NLRP5: variants seen among roughly 807,000 people sequenced by gnomAD.
NLRP5 encodes the protein NLR family pyrin domain containing 5.
Under a neutral mutation model 113.1 loss-of-function variants are expected in NLRP5, and 93 were observed. The ratio of observed to expected loss-of-function variants is 0.82; its 90% CI spans 0.70 to 0.98. The LOEUF is 0.98. Among genes scored for constraint, NLRP5 ranks in the 50% least tolerant of loss-of-function variants. The pLI, the probability that NLRP5 is intolerant of heterozygous loss-of-function variation, is 0.00. For synonymous variants in NLRP5, 751 were observed against 600.7 expected, an observed-to-expected ratio of 1.25 and a Z score of -3.66; for missense variants, 1,808 against 1,514.3, an observed-to-expected ratio of 1.19 and a Z score of -3.22.
At chr19:55,995,117 C>T (rs943542177), upstream of NLRP5, among the ~76,000 whole-genome samples, 2 of 152,036 alleles carry the variant, frequency 1.3e-5, no homozygotes, top group Non-Finnish European at 2.9e-5. Context: ...GGACAGAAAA[C>T]CAAACACCAC....
upstream of NLRP5, among the ~76,000 whole-genome samples, chr19:55,998,688 A>ATGTGTGTGTGTGTG (rs1210718419): frequency 1.1e-3 from 53 of 50,292 alleles, 1 homozygote; most frequent in Middle Eastern, 9.3e-3. Context: ...ATATATATAT[A>ATGTGTGTGTGTGTG]TATATATATA....
At chr19:56,023,570 T>C (rs1982701209) in intron 6 of NLRP5, among the ~76,000 whole-genome samples, 1 of 152,092 alleles carries the variant, frequency 6.6e-6, no homozygotes, top group Non-Finnish European at 1.5e-5. Context: ...GACATCGTGT[T>C]AGATATTATA....
chr19:56,007,667 G>C lies in NLRP5; in HGVS notation c.443-1121G>C, dbSNP rs190597125. Among the ~76,000 whole-genome samples the C allele has an allele frequency of 3.3e-4, 50 of 151,252 alleles. 4 individuals carry two copies. Among genetic ancestry groups the C allele is most frequent in the African/African-American group, 1.2e-3 (50 of 40,634 alleles). ...AGAAGCAATTACATAGTTTGAAAGG[G>C]GTGGTAATAGAAATCATCAAACTTT... On this transcript the variant is annotated intron_variant, in intron 2 of 14. Transcript: ENST00000390649.
chr19:55,999,696 T>C (rs1195293836), upstream of NLRP5: 4 of 1,547,574 alleles, frequency 2.6e-6, no homozygotes, highest in Middle Eastern at 1.7e-4. Flanking sequence ...CAGCCTTCGA[T>C]GTTCAGTTAC....
At chr19:56,042,309 A>G (rs1254711348) in intron 11 of NLRP5, among the ~76,000 whole-genome samples, 1 of 152,098 alleles carries the variant, frequency 6.6e-6, no homozygotes, top group African/African-American at 2.4e-5. Context: ...TATTTTTCCA[A>G]AAGTTATTGG....
At chr19:56,053,882 C>T (rs1649841408) in intron 13 of NLRP5, 74 bp downstream of exon 13, 2 of 1,387,610 alleles carry the variant, frequency 1.4e-6, no homozygotes, top group Non-Finnish European at 2.0e-6. Context: ...GTTGCTTGAA[C>T]AGGGATGATG....
the NLRP5 span, among the ~76,000 whole-genome samples, chr19:55,994,359 T>A: frequency 6.6e-6 from 1 of 152,214 alleles, no homozygotes; most frequent in South Asian, 2.1e-4. Context: ...ATTAGTTCCT[T>A]GCCAGATCAT....
At chr19:56,055,304 C>A (rs893484133) in intron 13 of NLRP5, among the ~76,000 whole-genome samples, 1 of 151,186 alleles carries the variant, frequency 6.6e-6, no homozygotes, top group East Asian at 2.0e-4. Context: ...GACCCTTTTC[C>A]TTCTTGAAGT....
intron 12 of NLRP5, among the ~76,000 whole-genome samples, chr19:56,052,246 G>GT (rs142968592): frequency 1.4e-5 from 2 of 146,528 alleles, no homozygotes; most frequent in African/African-American, 2.5e-5. Context: ...GTTTTGTTTT[G>GT]TTTTGTTTTT....
At chr19:55,994,365 A>T in the NLRP5 span, among the ~76,000 whole-genome samples, 1 of 152,128 alleles carries the variant, frequency 6.6e-6, no homozygotes. Flanking sequence ...TCCTTGCCAG[A>T]TCATTATTTT....
chr19:56,008,830 G>GACCAAGC lies in NLRP5; in HGVS notation c.487_493dup (p.Lys165ThrfsTer17), dbSNP rs1270927790. The stretch of plus-strand genomic sequence containing the variant: ...CCTGAAGCAACGATGACTGACCAAG[G>GACCAAGC]ACCAAGCAAGGAAAAAGTGCCAGGT... On this transcript the variant is annotated frameshift_variant, in exon 3 of 15. Transcript: ENST00000390649. LOFTEE classifies it high-confidence loss of function. 4 of 1,612,480 alleles carry GACCAAGC rather than the reference G, an allele frequency of 2.5e-6. No individual in the cohort carries two copies. The Admixed American group carries it at 6.7e-5, about 27-fold the overall frequency.
intron 6 of NLRP5, among the ~76,000 whole-genome samples, chr19:56,021,718 G>A (rs1374076158): frequency 1.4e-4 from 22 of 152,170 alleles, no homozygotes; most frequent in Admixed American, 1.4e-3. Flanking sequence ...CTGTTGTTCA[G>A]TTCATGGGAA....
intron 2 of NLRP5, 114 bp from the exon 3 acceptor site, chr19:56,008,674 C>T (rs748053178): frequency 2.3e-6 from 2 of 878,506 alleles, no homozygotes; most frequent in South Asian, 3.0e-5. Context: ...AACTGAGATC[C>T]TGAGGTTTGT....
rs748521841 is a variant in NLRP5 at position 56,027,401 on chromosome 19, C to T, written c.1168C>T (p.Leu390Phe). The change falls in exon 7 of 15, where the codon CTC becomes TTC. Residue 390 changes from leucine to phenylalanine, a missense_variant. Transcript: ENST00000390649. ...GGCTGAGAAGCAGCCTCCGTTCACC[C>T]TCATACGCAGTCTGCTGAGGAAGGT... 5.6e-6 allele frequency: 9 copies of T among 1,613,484 alleles called. No homozygotes were observed. The highest frequency in any genetic ancestry group is 2.2e-5 in the South Asian group (2 of 90,972).
At chr19:55,990,312 C>A in the NLRP5 span, among the ~76,000 whole-genome samples, 1 of 151,878 alleles carries the variant, frequency 6.6e-6, no homozygotes, top group Non-Finnish European at 1.5e-5. Context: ...TAGTCTCGAA[C>A]TCCTGACCTC....
At chr19:56,022,994 G>A (rs900052092) in intron 6 of NLRP5, among the ~76,000 whole-genome samples, 1 of 152,192 alleles carries the variant, frequency 6.6e-6, no homozygotes, top group African/African-American at 2.4e-5. Context: ...CCAAAGTGCT[G>A]GGATTACAGG....
intron 6 of NLRP5, among the ~76,000 whole-genome samples, chr19:56,024,547 ATATG>A (rs1982760782): frequency 6.8e-6 from 1 of 146,314 alleles, no homozygotes; most frequent in East Asian, 2.0e-4. Flanking sequence ...ATATGTATGT[ATATG>A]TGTATATATG....
At chr19:56,015,557 A>C (rs1406691572) in intron 3 of NLRP5, among the ~76,000 whole-genome samples, 185 bp from the exon 4 acceptor site, 4 of 152,154 alleles carry the variant, frequency 2.6e-5, no homozygotes, top group African/African-American at 9.7e-5. Context: ...GAATCGTCGG[A>C]TCTTGAATCT....
intron 3 of NLRP5, among the ~76,000 whole-genome samples, chr19:56,013,851 C>T (rs1242908549): frequency 6.6e-6 from 1 of 151,978 alleles, no homozygotes; most frequent in Middle Eastern, 3.2e-3. Flanking sequence ...TTCATTGTAA[C>T]CATCCTAGTA....
Sources: allele counts gnomAD v4.1 joint callset (sites outside exome capture counted in the v4.1 genomes callset), GRCh38; gene constraint gnomAD v4.1.1; transcripts MANE v1.5; gene names NCBI Gene and HGNC (gene_info 2026-07-23, HGNC 2026-07-21).